FREM2: variants seen among roughly 807,000 people sequenced by gnomAD.
The protein encoded by FREM2 is FRAS1-related extracellular matrix protein 2.
FREM2 carries 119 observed loss-of-function variants against 219.9 expected under a neutral mutation model. That is an observed-to-expected ratio of 0.54 (90% confidence interval 0.47 to 0.63). The LOEUF is 0.63. FREM2 is among the 30% of genes least tolerant of loss of function. The pLI is 0.00. For synonymous variants in FREM2, 1,562 were observed against 1,522.8 expected, an observed-to-expected ratio of 1.03 and a Z score of -0.60; for missense variants, 4,030 against 3,993.6, an observed-to-expected ratio of 1.01 and a Z score of -0.25.
At chr13:38,766,402 G>A (rs1376546500) in intron 3 of FREM2, among the ~76,000 whole-genome samples, 1 of 152,114 alleles carries the variant, frequency 6.6e-6, no homozygotes, top group African/African-American at 2.4e-5. Flanking sequence ...TAGAAAATTG[G>A]GAAGCCTTCT....
chr13:38,851,768 A>G lies in FREM2; in HGVS notation c.6825A>G (p.Pro2275=). Residue 2275 remains proline, a synonymous_variant, in exon 11 of 24, where the codon CCA becomes CCG. Transcript: ENST00000280481. ...GAGAGTCGGTGGTTATAAGAATTCC[A>G]GTGATTCGCCAAGGAGACACTTCAA... ...EPGESVVIRI[P]VIRQGDTSKV... The G allele has an allele frequency of 6.2e-7, 1 of 1,613,862 alleles. No homozygotes were observed.
rs867372523 is a variant in FREM2, at chr13:38,751,367, A to G, written c.5264-12937A>G. Reference sequence around the variant, plus strand: ...GCAAATTATGTCTCTCTATGCCCCAAGTTTCCTTTGTGAGCAGCCTGGTTT... The same window carrying G: ...GCAAATTATGTCTCTCTATGCCCCAGGTTTCCTTTGTGAGCAGCCTGGTTT... On this transcript the variant is annotated intron_variant, in intron 2 of 23. Transcript: ENST00000280481. Among the ~76,000 whole-genome samples, 45 of 152,172 alleles carry G rather than the reference A, an allele frequency of 3.0e-4. No individual in the cohort carries two copies. In the Middle Eastern group the frequency reaches 0.014, roughly 46 times the overall value.
At chr13:38,732,153 T>C (rs1871791708) in intron 2 of FREM2, among the ~76,000 whole-genome samples, 1 of 152,252 alleles carries the variant, frequency 6.6e-6, no homozygotes, top group South Asian at 2.1e-4. Context: ...TTCATTAAAA[T>C]ACTCTTAAAA....
At chr13:38,832,551 A>AAATAAACT (rs1876549787) in intron 6 of FREM2, among the ~76,000 whole-genome samples, 1 of 152,138 alleles carries the variant, frequency 6.6e-6, no homozygotes, top group Non-Finnish European at 1.5e-5. Flanking sequence ...ATGCATCAAA[A>AAATAAACT]AATAAACTAT....
In FREM2 at chr13:38,690,353, G is replaced by C. The variant is rs775808362; in HGVS notation, c.3009G>C (p.Gln1003His). 48 of 1,614,116 alleles carry C rather than the reference G, an allele frequency of 3.0e-5. No homozygotes were observed. Among genetic ancestry groups the C allele is most frequent in the Non-Finnish European group, 4.1e-5 (48 of 1,180,052 alleles). Residue 1003 changes from glutamine (Q) to histidine (H), a missense_variant, in exon 1 of 24, where the codon CAG (glutamine) becomes CAC (histidine). By Grantham distance (24) the Gln-to-His change is conservative (BLOSUM62 0). Transcript: ENST00000280481. Reference protein sequence around the residue: ...EILVNGIPAEQFTQRDILEGS... With the variant: ...EILVNGIPAEHFTQRDILEGS... ...TGGTCAATGGCATTCCAGCAGAGCAGTTTACTCAAAGGGACATCTTGGAGG... is the reference window on the plus strand; with the variant it reads ...TGGTCAATGGCATTCCAGCAGAGCACTTTACTCAAAGGGACATCTTGGAGG...
intron 4 of FREM2, among the ~76,000 whole-genome samples, chr13:38,780,970 A>G (rs1485690763): frequency 6.6e-6 from 1 of 152,114 alleles, no homozygotes; most frequent in African/African-American, 2.4e-5. Context: ...GGCTGATTCC[A>G]TTGCTAAAGC....
rs753825876 is a variant in FREM2 at position 38,687,591 on chromosome 13, T to A, written c.247T>A (p.Phe83Ile). 5.0e-6 allele frequency: 8 copies of A among 1,608,236 alleles called. No homozygotes were observed. The highest frequency in any genetic ancestry group is 5.1e-6 in the Non-Finnish European group (6 of 1,177,424). ...VLANRGLRVP[F>I]GREVWLDPLH... ...GGCGAACCGCGGACTCCGGGTGCCT[T>A]TCGGCCGTGAAGTCTGGCTGGATCC... The change falls in exon 1 of 24, where the codon TTC (phenylalanine) becomes ATC (isoleucine). Residue 83 changes from phenylalanine (F) to isoleucine (I), a missense_variant. This residue lies in a region of FREM2 where 3,102 missense variants were observed against 2,950.7 expected (regional missense o/e 1.05). Coordinates refer to ENST00000280481, the MANE Select transcript of FREM2 (RefSeq NM_207361.6).
At chr13:38,846,798 GA>G in intron 7 of FREM2, 76 bp downstream of exon 7, 1 of 1,488,024 alleles carries the variant, frequency 6.7e-7, no homozygotes, top group Non-Finnish European at 9.4e-7. Context: ...ATTTAAAGCT[GA>G]AATACTTCAC....
intron 2 of FREM2, among the ~76,000 whole-genome samples, chr13:38,748,467 C>T (rs9566361): frequency 0.12 from 18,491 of 152,200 alleles, 1,274 homozygotes; most frequent in Middle Eastern, 0.24. Flanking sequence ...TGCACAGGCT[C>T]TCTGCTCATA....
intron 6 of FREM2, among the ~76,000 whole-genome samples, chr13:38,801,174 TC>T (rs1874993565): frequency 6.6e-6 from 1 of 152,248 alleles, no homozygotes; most frequent in Admixed American, 6.5e-5. Context: ...ATTCCTCAGT[TC>T]CAGAATTTCT....
At chr13:38,714,849 G>A (rs1423137773) in intron 2 of FREM2, among the ~76,000 whole-genome samples, 1 of 151,990 alleles carries the variant, frequency 6.6e-6, no homozygotes, top group African/African-American at 2.4e-5. Flanking sequence ...CTTTTGGGAG[G>A]CCAAGGCAGG....
chr13:38,804,575 A>G (rs1002110395), intron 6 of FREM2, among the ~76,000 whole-genome samples: 2 of 152,174 alleles, frequency 1.3e-5, no homozygotes, highest in Non-Finnish European at 2.9e-5. Context: ...AAGTATGTAA[A>G]AAGCTAAACA....
At chr13:38,769,506 A>C in intron 3 of FREM2, 72 bp from the exon 4 acceptor site, 1 of 1,373,926 alleles carries the variant, frequency 7.3e-7, no homozygotes, top group Non-Finnish European at 1.0e-6. Context: ...GACATGCAAA[A>C]AGTTAACAAG....
intron 2 of FREM2, among the ~76,000 whole-genome samples, chr13:38,728,366 A>G (rs1871617334): frequency 1.3e-5 from 2 of 152,122 alleles, no homozygotes; most frequent in Non-Finnish European, 2.9e-5. Flanking sequence ...GAAGGTCTCA[A>G]TAACAGGGAA....
intron 3 of FREM2, among the ~76,000 whole-genome samples, chr13:38,768,507 G>A (rs112394595): frequency 0.013 from 2,006 of 152,122 alleles, 22 homozygotes; most frequent in Non-Finnish European, 0.022. Flanking sequence ...GAACTCCTGG[G>A]CTCAAGTGAT....
At chr13:38,852,244 T>C (rs1877398939) in intron 11 of FREM2, among the ~76,000 whole-genome samples, 1 of 152,240 alleles carries the variant, frequency 6.6e-6, no homozygotes, top group South Asian at 2.1e-4. Context: ...TTTGACTTTC[T>C]GTTTCTGAGC....
chr13:38,847,162 T>A (rs1332712327), intron 7 of FREM2, among the ~76,000 whole-genome samples: 3 of 151,898 alleles, frequency 2.0e-5, no homozygotes, highest in African/African-American at 7.3e-5. Context: ...CTATAAATAC[T>A]TCAGATCCAA....
chr13:38,734,252 TC>T, intron 2 of FREM2, among the ~76,000 whole-genome samples: 1 of 152,008 alleles, frequency 6.6e-6, no homozygotes, highest in Admixed American at 6.6e-5. Context: ...ATCTCATTCC[TC>T]CCCCGCAAAA....
intron 6 of FREM2, among the ~76,000 whole-genome samples, chr13:38,810,421 G>C (rs1875431346): frequency 1.3e-5 from 2 of 151,820 alleles, no homozygotes; most frequent in African/African-American, 4.8e-5. Flanking sequence ...GGGCTTTCAG[G>C]TTTTCCCCAT....
Sources: allele counts gnomAD v4.1 joint callset (sites outside exome capture counted in the v4.1 genomes callset), GRCh38; gene constraint gnomAD v4.1.1; regional missense constraint gnomAD v4.1.1; transcripts MANE v1.5; gene names NCBI Gene and HGNC (gene_info 2026-07-23, HGNC 2026-07-21).